The following SYNGR1 variants were observed in gnomAD, a reference collection of about 807,000 sequenced individuals.
The protein encoded by SYNGR1 is synaptogyrin-1.
A neutral mutation model predicts 26.1 loss-of-function variants in SYNGR1; 14 were observed. That is an observed-to-expected ratio of 0.54 (90% CI 0.35 to 0.84). The LOEUF (loss-of-function observed/expected upper bound fraction) is 0.84, where lower values mean the gene tolerates loss of function less well. SYNGR1 is among the 40% of genes least tolerant of loss of function. The pLI is 0.01. For synonymous variants in SYNGR1, 141 were observed against 150.1 expected (o/e 0.94, Z 0.44); for missense variants, 319 against 332.9 (o/e 0.96, Z 0.33).
At position 39,384,291 on chromosome 22, in the gene SYNGR1, A is replaced by C; in HGVS notation, c.*2377A>C. 9 of 367,232 alleles carry C rather than the reference A, an allele frequency of 2.5e-5. No individual in the cohort carries two copies. Among genetic ancestry groups the C allele is most frequent in the Non-Finnish European group, 2.9e-5 (6 of 206,602 alleles). The allele number at this position is 367,232 out of a possible 1,614,324, so 22.7% of individuals were successfully genotyped here. On this transcript the variant is annotated 3_prime_UTR_variant, in exon 4 of 4. Coordinates refer to ENST00000328933, the MANE Select transcript of SYNGR1 (RefSeq NM_004711.5). ...GTGATCCTCAGCCGGAGGGCAGGGT[A>C]CCAGGTAAGCTTAACTCCATCTTGG...
intron 3 of SYNGR1, chr22:39,377,645 C>T (rs376019230): frequency 4.2e-5 from 67 of 1,613,916 alleles, no homozygotes; most frequent in Non-Finnish European, 5.3e-5. Context: ...ACCTAAGCTT[C>T]CAGGAGGAGT....
intron 1 of SYNGR1, among the ~76,000 whole-genome samples, chr22:39,363,528 G>C (rs1318629311): frequency 1.3e-5 from 2 of 152,020 alleles, no homozygotes; most frequent in Admixed American, 1.3e-4. Context: ...AGCTGGTGCT[G>C]GGGAGGCTGA....
At chr22:39,362,179 C>T (rs1467588769) in intron 1 of SYNGR1, among the ~76,000 whole-genome samples, 1 of 152,084 alleles carries the variant, frequency 6.6e-6, no homozygotes, top group Non-Finnish European at 1.5e-5. Context: ...GCTCCAAGGC[C>T]CCCTTGAGGT....
rs767314185 is a variant in SYNGR1 at position 39,372,438 on chromosome 22, CTTTTTTTTTTTT to C, written c.100-1859_100-1848del. On this transcript the variant is annotated intron_variant, in intron 1 of 3. Coordinates refer to ENST00000328933, the MANE Select transcript of SYNGR1 (RefSeq NM_004711.5). ...GAGCCACCATGCACCACGCCCAGCTCTTTTTTTTTTTTTTTTTTTTTTTTTTTTTTGAGACGG... is the reference window on the plus strand; with the variant it reads ...GAGCCACCATGCACCACGCCCAGCTCTTTTTTTTTTTTTTTTTTGAGACGG... 3.7e-3 allele frequency among the ~76,000 whole-genome samples: 203 copies of C among 54,652 alleles called. 2 individuals are homozygous for C. The highest frequency in any genetic ancestry group is 0.018 in the African/African-American group (193 of 10,644). The allele number at this position is 54,652 out of a possible 152,430, so 35.9% of individuals were successfully genotyped here. A position where few individuals can be genotyped will look rare whatever the true frequency, so the allele number is the denominator to read the frequency against.
intron 1 of SYNGR1, among the ~76,000 whole-genome samples, chr22:39,372,344 G>T (rs1925064419): frequency 6.6e-6 from 1 of 150,756 alleles, no homozygotes; most frequent in African/African-American, 2.4e-5. Flanking sequence ...TGTTAACCAG[G>T]ATGGTCTTGA....
At chr22:39,358,900 G>C (rs1924319052) in intron 1 of SYNGR1, among the ~76,000 whole-genome samples, 3 of 152,248 alleles carry the variant, frequency 2.0e-5, no homozygotes, top group Admixed American at 2.0e-4. Flanking sequence ...CCCGCTGCTG[G>C]TGGAGCAGGG....
chr22:39,368,593 CT>C (rs1924879934), intron 1 of SYNGR1, among the ~76,000 whole-genome samples: 1 of 152,198 alleles, frequency 6.6e-6, no homozygotes, highest in South Asian at 2.1e-4. Flanking sequence ...CTCTCCAGCA[CT>C]TTCCTCCTGG....
At chr22:39,354,747 G>C (rs1924068978) in intron 1 of SYNGR1, among the ~76,000 whole-genome samples, 1 of 152,018 alleles carries the variant, frequency 6.6e-6, no homozygotes, top group Non-Finnish European at 1.5e-5. Context: ...GCTGAGGCAG[G>C]AGAATCGCTT....
chr22:39,358,608 G>A (rs566538593), intron 1 of SYNGR1, among the ~76,000 whole-genome samples: 4 of 152,188 alleles, frequency 2.6e-5, no homozygotes, highest in Admixed American at 1.3e-4. Flanking sequence ...GCGAAGGTCT[G>A]TAGCTTCACT....
Position 39,381,887 on chromosome 22 carries a change from C to A in SYNGR1, c.675C>A (p.Pro225=). 1 of 1,612,658 alleles carries A rather than the reference C, an allele frequency of 6.2e-7. No homozygotes were observed. The highest frequency in any genetic ancestry group is 1.1e-5 in the South Asian group (1 of 91,040). ...QQPANTFDTE[P]QGYQSQGY ...CGGCCAACACCTTCGACACCGAGCC[C>A]CAGGGCTACCAGTCGCAGGGCTACT... Residue 225 remains proline, a synonymous_variant, in exon 4 of 4, where the codon CCC becomes CCA. Transcript: ENST00000328933.
intron 3 of SYNGR1, chr22:39,377,928 T>C: frequency 7.4e-7 from 1 of 1,353,440 alleles, no homozygotes; most frequent in Non-Finnish European, 9.6e-7. Context: ...TTGTGCCTAG[T>C]GATGAATTAG....
rs1476146781 is a variant in SYNGR1 at position 39,350,843 on chromosome 22, G to A, written c.99+734G>A. ...CTTGGGCTCTGACATTTCATGAACC[G>A]GTAACACCCCTCCCACTCAGCATGC... On this transcript the variant is annotated intron_variant, in intron 1 of 3. Coordinates refer to ENST00000328933, the MANE Select transcript of SYNGR1 (RefSeq NM_004711.5). This position sits in a 1 kb window ranked among gnomAD's most constrained non-coding sequence, Gnocchi z 4.3. Among the ~76,000 whole-genome samples, 3 of 152,160 alleles carry A rather than the reference G, an allele frequency of 2.0e-5. No individual in the cohort carries two copies. The highest frequency in any genetic ancestry group is 4.8e-5 in the African/African-American group (2 of 41,434).
rs535662567 is a variant in SYNGR1 at position 39,375,674 on chromosome 22, C to G, written c.338-378C>G. 1.8e-4 allele frequency: 105 copies of G among 568,524 alleles called. No individual in the cohort carries two copies. In the East Asian group the frequency reaches 2.9e-3, roughly 16 times the overall value. 35.2% of individuals were successfully genotyped at this position (568,524 alleles called of 1,614,324 possible). A position where few individuals can be genotyped will look rare whatever the true frequency, so the allele number is the denominator to read the frequency against. ...GCATCAGGGGTGGACCGGGGGGGCCCACGTCAGCGGTGTGGCTGGACATGG... is the reference window on the plus strand; with the variant it reads ...GCATCAGGGGTGGACCGGGGGGGCCGACGTCAGCGGTGTGGCTGGACATGG... On this transcript the variant is annotated intron_variant, in intron 2 of 3. Coordinates refer to ENST00000328933, the MANE Select transcript of SYNGR1 (RefSeq NM_004711.5).
chr22:39,366,139 ATTT>A (rs1234542663), intron 1 of SYNGR1, among the ~76,000 whole-genome samples: 1 of 150,302 alleles, frequency 6.7e-6, no homozygotes, highest in Non-Finnish European at 1.5e-5. Context: ...TAATTTTTGT[ATTT>A]TTAGTAGAGA....
At chr22:39,353,662 G>C (rs1381546415) in intron 1 of SYNGR1, among the ~76,000 whole-genome samples, 1 of 152,226 alleles carries the variant, frequency 6.6e-6, no homozygotes, top group East Asian at 1.9e-4. Context: ...AGAAGTGCCT[G>C]ATCTGTTGCG....
chr22:39,364,024 C>A, intron 1 of SYNGR1: 2 of 1,061,210 alleles, frequency 1.9e-6, no homozygotes, highest in Non-Finnish European at 2.7e-6. Flanking sequence ...GCTGGCTGGG[C>A]ACAGCTCGCC....
intron 1 of SYNGR1, among the ~76,000 whole-genome samples, chr22:39,353,154 AC>A (rs1296062327): frequency 6.6e-6 from 1 of 151,896 alleles, no homozygotes; most frequent in African/African-American, 2.4e-5. Flanking sequence ...GAGCCACCGC[AC>A]CCGGCCTGGA....
In SYNGR1 at chr22:39,362,503, C is replaced by T. The variant is rs374720372; in HGVS notation, c.100-11813C>T. Among the ~76,000 whole-genome samples, 6 of 152,124 alleles carry T rather than the reference C, an allele frequency of 3.9e-5. No homozygotes were observed. In the South Asian group the frequency reaches 6.2e-4, roughly 16 times the overall value. Reference sequence around the variant, plus strand: ...CTCTTCAGGAAGACAAGGGGCTGCCCAACACCCATCATGTGTCCATGCGGC... The same window carrying T: ...CTCTTCAGGAAGACAAGGGGCTGCCTAACACCCATCATGTGTCCATGCGGC... On this transcript the variant is annotated intron_variant, in intron 1 of 3. Coordinates refer to ENST00000328933, the MANE Select transcript of SYNGR1 (RefSeq NM_004711.5).
intron 3 of SYNGR1, chr22:39,379,958 G>T (rs1415591812): frequency 6.6e-6 from 1 of 152,224 alleles, no homozygotes; most frequent in African/African-American, 2.4e-5. Context: ...CAGATTCCCC[G>T]GGCCGGGAAA....
Sources: gnomAD v4.1 joint callset for allele counts (sites outside exome capture counted in the v4.1 genomes callset) on GRCh38, gnomAD v4.1.1 for gene constraint, Gnocchi (gnomAD v3.1) non-coding constraint, MANE v1.5 for transcripts, NCBI Gene and HGNC (gene_info 2026-07-23, HGNC 2026-07-21) for gene names.